The following SFTPD variants were observed in gnomAD, a reference collection of about 807,000 sequenced individuals.
SFTPD encodes the protein pulmonary surfactant-associated protein D.
A neutral mutation model predicts 34.6 loss-of-function variants in SFTPD; 18 were observed. The ratio of observed to expected loss-of-function variants is 0.52; its 90% CI spans 0.36 to 0.77. The LOEUF is 0.77. Among genes scored for constraint, SFTPD ranks in the 30% least tolerant of loss-of-function variants. The probability of loss-of-function intolerance (pLI) is 0.00; values close to 1 mark genes in which losing one functional copy is unlikely to be tolerated. For missense variants in SFTPD, 433 were observed against 468.9 expected (o/e 0.92, Z 0.71); for synonymous variants, 155 against 180.9 (o/e 0.86, Z 1.15).
chr10:79,958,638 A>G (rs201616977), intron 1 of SFTPD, among the ~76,000 whole-genome samples: 2 of 152,256 alleles, frequency 1.3e-5, no homozygotes, highest in African/African-American at 2.4e-5. Flanking sequence ...ACCCAGATTC[A>G]TAAAGCAAGT....
At chr10:79,962,532 C>G (rs148781426) in intron 1 of SFTPD, among the ~76,000 whole-genome samples, 14 of 152,084 alleles carry the variant, frequency 9.2e-5, no homozygotes, top group Admixed American at 2.6e-4. Flanking sequence ...TTTTCTAAAG[C>G]TATTTTTTAG....
In SFTPD at chr10:79,938,085, C is replaced by T. The variant is rs763277511; in HGVS notation, c.895G>A (p.Ala299Thr). The stretch of plus-strand genomic sequence containing the variant: ...TTAGCTACGACCAGCTGTTGCAAGG[C>T]GGCATTCTCAGCGGCAGAGCGTGGA... Reference protein sequence around the residue: ...ASPRSAAENAALQQLVVAKNE... With the variant: ...ASPRSAAENATLQQLVVAKNE... Residue 299 changes from alanine to threonine, a missense_variant, in exon 8 of 8, where the codon GCC becomes ACC. Coordinates refer to ENST00000372292, the MANE Select transcript of SFTPD (RefSeq NM_003019.5). The T allele has an allele frequency of 1.9e-5, 31 of 1,614,036 alleles. No individual in the cohort carries two copies. Among genetic ancestry groups the T allele is most frequent in the Non-Finnish European group, 2.2e-5 (26 of 1,180,020 alleles).
At chr10:79,949,852 A>C (rs571290791), upstream of SFTPD, among the ~76,000 whole-genome samples, 454 of 98,166 alleles carry the variant, frequency 4.6e-3, 2 homozygotes, top group African/African-American at 0.025. Context: ...TTTAGTCTGT[A>C]TGTATTTTTT....
At chr10:79,941,286 T>A in intron 6 of SFTPD, 112 bp downstream of exon 6, 1 of 895,148 alleles carries the variant, frequency 1.1e-6, no homozygotes, top group Non-Finnish European at 1.8e-6. Context: ...ACCCACCAGC[T>A]GCCATTAATG....
intron 1 of SFTPD, among the ~76,000 whole-genome samples, chr10:79,958,259 C>T (rs1242047399): frequency 6.6e-6 from 1 of 152,130 alleles, no homozygotes; most frequent in Non-Finnish European, 1.5e-5. Flanking sequence ...GCAAAATAAC[C>T]AGCTAACATC....
chr10:79,941,485 T>C lies in SFTPD; in HGVS notation c.580A>G (p.Ser194Gly), dbSNP rs1842610723. ...CCCGGGGGTCCCCTGGCACCTGGAC[T>C]TCCCTGGGGACCCATGGCTCCAGCA... ...GSAGAMGPQG[S>G]PGARGPPGLK... is the part of the protein sequence containing the mutation. The change falls in exon 6 of 8, where the codon AGT becomes GGT. Residue 194 changes from serine (S) to glycine (G), a missense_variant. Coordinates refer to ENST00000372292, the MANE Select transcript of SFTPD (RefSeq NM_003019.5). 1 of 1,611,850 alleles carries C rather than the reference T, an allele frequency of 6.2e-7. No homozygotes were observed. The highest frequency in any genetic ancestry group is 8.5e-7 in the Non-Finnish European group (1 of 1,178,924).
chr10:79,954,116 C>G (rs189770298), intron 1 of SFTPD, among the ~76,000 whole-genome samples: 6 of 151,824 alleles, frequency 4.0e-5, no homozygotes, highest in Admixed American at 3.9e-4. Context: ...TCTTGTTGAG[C>G]TTCTTTAAGA....
At chr10:79,967,569 TA>T (rs1842809863) in intron 1 of SFTPD, among the ~76,000 whole-genome samples, 1 of 144,066 alleles carries the variant, frequency 6.9e-6, no homozygotes, top group Non-Finnish European at 1.5e-5. Context: ...AAGGCTACAG[TA>T]ACCAAAACAG....
chr10:79,946,761 C>T, intron 1 of SFTPD, 99 bp from the exon 2 acceptor site: 1 of 1,081,076 alleles, frequency 9.3e-7, no homozygotes, highest in Middle Eastern at 2.7e-4. Context: ...GCCCCCATTC[C>T]CTCCTTCTGT....
chr10:79,960,409 C>G (rs1482895960), intron 1 of SFTPD, among the ~76,000 whole-genome samples: 1 of 150,900 alleles, frequency 6.6e-6, no homozygotes, highest in African/African-American at 2.4e-5. Flanking sequence ...TCGTCTCAGC[C>G]CAAAATCTCC....
Position 79,940,807 on chromosome 10 carries a change from C to A in SFTPD, c.668-19G>T. The A allele has an allele frequency of 1.3e-6, 2 of 1,547,518 alleles. No homozygotes were observed. The highest frequency in any genetic ancestry group is 1.8e-6 in the Non-Finnish European group (2 of 1,119,852). Reference sequence around the variant, plus strand: ...GCAACATCTGGAGGGGAGAAAATGGCCAAGTAAAGACTTGTCCAGAGAGCG... The same window carrying A: ...GCAACATCTGGAGGGGAGAAAATGGACAAGTAAAGACTTGTCCAGAGAGCG... On this transcript the variant is annotated intron_variant, in intron 6 of 7. Transcript: ENST00000372292.
chr10:79,954,395 C>A (rs536286445), intron 1 of SFTPD, among the ~76,000 whole-genome samples: 290 of 152,046 alleles, frequency 1.9e-3, no homozygotes, highest in Middle Eastern at 0.01. Flanking sequence ...AGGTTTGCTG[C>A]ATGTGTGTGC....
rs1010878565 is a variant in SFTPD, at chr10:79,941,657, C to T, written c.551-143G>A. Reference sequence around the variant, plus strand: ...TCCCCAGTACCCAGCCATGCAGCTCCCTGTACACTGACTGTCCCTGTCACC... The same window carrying T: ...TCCCCAGTACCCAGCCATGCAGCTCTCTGTACACTGACTGTCCCTGTCACC... On this transcript the variant is annotated intron_variant, in intron 5 of 7. Transcript: ENST00000372292. 2.1e-5 allele frequency: 14 copies of T among 665,826 alleles called. 1 individual carries two copies. The Admixed American group carries it at 2.9e-4, about 14-fold the overall frequency. The allele number at this position is 665,826 out of a possible 1,614,324, so 41.2% of individuals were successfully genotyped here.
intron 1 of SFTPD, among the ~76,000 whole-genome samples, chr10:79,976,379 C>T: frequency 6.6e-6 from 1 of 152,126 alleles, no homozygotes; most frequent in Non-Finnish European, 1.5e-5. Context: ...ACAGCCTGTG[C>T]AAAAACACAT....
chr10:79,937,826 G>A lies in SFTPD; in HGVS notation c.*26C>T. 2.0e-6 allele frequency: 3 copies of A among 1,519,150 alleles called. No individual in the cohort carries two copies. The highest frequency in any genetic ancestry group is 1.8e-6 in the Non-Finnish European group (2 of 1,131,082). The allele number at this position is 1,519,150 out of a possible 1,614,324, so 94.1% of individuals were successfully genotyped here. On this transcript the variant is annotated 3_prime_UTR_variant, in exon 8 of 8. Transcript: ENST00000372292. ...ACTTCTGGCCAAACTCCTGGGCCAAGCACTGCCCCACCCACCCCAGTTGGC... is the reference window on the plus strand; with the variant it reads ...ACTTCTGGCCAAACTCCTGGGCCAAACACTGCCCCACCCACCCCAGTTGGC...
intron 6 of SFTPD, 53 bp downstream of exon 6, chr10:79,941,345 C>T: frequency 6.6e-7 from 1 of 1,507,764 alleles, no homozygotes; most frequent in Admixed American, 1.7e-5. Flanking sequence ...GGCTTCCTCT[C>T]TGCCCACCCA....
intron 1 of SFTPD, among the ~76,000 whole-genome samples, chr10:79,957,305 G>T (rs1842745795): frequency 6.6e-6 from 1 of 152,228 alleles, no homozygotes; most frequent in Admixed American, 6.5e-5. Flanking sequence ...GACGGAGAAT[G>T]ACTTTGATGA....
At chr10:79,959,705 C>G (rs1202136453) in intron 1 of SFTPD, among the ~76,000 whole-genome samples, 1 of 152,346 alleles carries the variant, frequency 6.6e-6, no homozygotes, top group Non-Finnish European at 1.5e-5. Context: ...CAGCCAAATT[C>G]TACCAGAGGT....
intron 1 of SFTPD, among the ~76,000 whole-genome samples, chr10:79,962,481 A>G (rs1416878844): frequency 6.6e-6 from 1 of 152,114 alleles, no homozygotes; most frequent in Non-Finnish European, 1.5e-5. Flanking sequence ...GATGAAAATC[A>G]TGTAATGCAT....
Sources: gnomAD v4.1 joint callset for allele counts (sites outside exome capture counted in the v4.1 genomes callset) on GRCh38, gnomAD v4.1.1 for gene constraint, MANE v1.5 for transcripts, NCBI Gene and HGNC (gene_info 2026-07-23, HGNC 2026-07-21) for gene names.